Variants in NUP210L observed in about 807,000 individuals in gnomAD.
NUP210L encodes the protein nuclear pore membrane glycoprotein 210-like.
NUP210L carries 74 observed loss-of-function variants against 208.5 expected under a neutral mutation model. The ratio of observed to expected loss-of-function variants is 0.35; its 90% confidence interval spans 0.29 to 0.43. The LOEUF is 0.43. Among genes scored for constraint, NUP210L ranks in the 20% least tolerant of loss-of-function variants. NUP210L has a pLI of 1.00. For missense variants in NUP210L, 1,843 were observed against 2,289.4 expected (o/e 0.81, Z 3.98); for synonymous variants, 780 against 816.9 (o/e 0.95, Z 0.77).
intron 15 of NUP210L, among the ~76,000 whole-genome samples, chr1:154,091,098 A>AT (rs1424373965): frequency 5.4e-5 from 8 of 147,336 alleles, no homozygotes; most frequent in Non-Finnish European, 9.0e-5. Flanking sequence ...TATTATTATT[A>AT]TTATTATTAT....
At position 154,139,788 on chromosome 1, in the gene NUP210L, C is replaced by G. The variant is rs1046386580; in HGVS notation, c.717+14G>C. ...AAACAAGTAAGGAAAATTTATAGCA[C>G]ACAAACTTTTTACCTTATAGAATGG... On this transcript the variant is annotated intron_variant, in intron 5 of 39. Coordinates refer to ENST00000368559, the Ensembl canonical transcript of NUP210L. 1.9e-6 allele frequency: 3 copies of G among 1,606,386 alleles called. No individual in the cohort carries two copies. The highest frequency in any genetic ancestry group is 2.6e-6 in the Non-Finnish European group (3 of 1,176,252).
intron 32 of NUP210L, among the ~76,000 whole-genome samples, chr1:154,019,406 CA>C (rs1275702174): frequency 6.6e-6 from 1 of 152,144 alleles, no homozygotes; most frequent in African/African-American, 2.4e-5. Flanking sequence ...TGATTGATGA[CA>C]GCAAGAAGAC....
chr1:154,061,050 GA>G lies in NUP210L; in HGVS notation c.2644-5del, dbSNP rs774631481. On this transcript the variant is annotated splice_polypyrimidine_tract_variant and splice_region_variant and intron_variant, in intron 18 of 39. Transcript: ENST00000368559. ...ATCTGGGCAAGTTGGAAATTTCCTA[GA>G]AATATAATAAGAACCACAAAAGTGA... The G allele has an allele frequency of 1.3e-6, 2 of 1,591,960 alleles. No individual in the cohort carries two copies. Among genetic ancestry groups the G allele is most frequent in the Non-Finnish European group, 8.6e-7 (1 of 1,160,442 alleles).
intron 21 of NUP210L, 74 bp from the exon 22 acceptor site, chr1:154,058,290 G>T: frequency 6.7e-7 from 1 of 1,500,250 alleles, no homozygotes; most frequent in Non-Finnish European, 9.1e-7. Flanking sequence ...TTAGAGGGCA[G>T]TGTACTTTTT....
chr1:154,064,320 C>T (rs982169474), intron 17 of NUP210L, among the ~76,000 whole-genome samples: 2 of 151,990 alleles, frequency 1.3e-5, no homozygotes, highest in Admixed American at 6.6e-5. Flanking sequence ...GGGACATCAG[C>T]GAATGGGACA....
intron 30 of NUP210L, among the ~76,000 whole-genome samples, chr1:154,025,004 T>C (rs1267265743): frequency 7.1e-6 from 1 of 140,350 alleles, no homozygotes; most frequent in African/African-American, 2.6e-5. Flanking sequence ...CTTGGCTCAC[T>C]GCAGGCTCCG....
At chr1:154,059,993 T>A (rs1057472963) in intron 20 of NUP210L, among the ~76,000 whole-genome samples, 4 of 152,298 alleles carry the variant, frequency 2.6e-5, no homozygotes, top group African/African-American at 9.6e-5. Flanking sequence ...GGTTCACACC[T>A]GCAATCCTAG....
At chr1:153,999,991 A>ATTTTT (rs995669130) in intron 37 of NUP210L, among the ~76,000 whole-genome samples, 3 of 147,684 alleles carry the variant, frequency 2.0e-5, no homozygotes, top group Admixed American at 6.8e-5. Flanking sequence ...TGCCCAGGTA[A>ATTTTT]TTTTTTTTTT....
At chr1:154,095,100 T>C in exon 15 of NUP210L, 1 of 1,614,092 alleles carries the variant, frequency 6.2e-7, no homozygotes, top group Non-Finnish European at 8.5e-7. Flanking sequence ...CCCCTTCAAA[T>C]ACCATTTCCT....
chr1:154,033,605 T>C (rs1652372851), intron 27 of NUP210L, among the ~76,000 whole-genome samples: 1 of 152,190 alleles, frequency 6.6e-6, no homozygotes, highest in Admixed American at 6.6e-5. Flanking sequence ...CATTGGTCTA[T>C]ATGTTTGTTT....
chr1:154,058,537 T>C, intron 21 of NUP210L, 28 bp downstream of exon 21: 23 of 1,606,606 alleles, frequency 1.4e-5, no homozygotes, highest in Non-Finnish European at 2.0e-5. Flanking sequence ...TCTTGCTTAA[T>C]TTCTGAGATA....
At chr1:154,005,728 C>CTT (rs34116245) in intron 35 of NUP210L, among the ~76,000 whole-genome samples, 2 of 125,984 alleles carry the variant, frequency 1.6e-5, no homozygotes, top group South Asian at 2.6e-4. Flanking sequence ...ATTTTTTTTT[C>CTT]TTTTTTTTTT....
At chr1:154,061,159 C>T in intron 18 of NUP210L, 113 bp from the exon 19 acceptor site, 1 of 669,592 alleles carries the variant, frequency 1.5e-6, no homozygotes, top group Non-Finnish European at 2.6e-6. Flanking sequence ...AGGCAGATCA[C>T]CTGAGGCCAG....
intron 27 of NUP210L, among the ~76,000 whole-genome samples, chr1:154,030,672 T>C (rs1652165655): frequency 6.6e-6 from 1 of 152,158 alleles, no homozygotes; most frequent in Non-Finnish European, 1.5e-5. Flanking sequence ...ATAGAACCTG[T>C]AATAATCACA....
At chr1:154,040,869 G>A (rs1422610339) in intron 27 of NUP210L, among the ~76,000 whole-genome samples, 1 of 152,176 alleles carries the variant, frequency 6.6e-6, no homozygotes, top group African/African-American at 2.4e-5. Flanking sequence ...GGGATTACAG[G>A]CGTGAGCCAC....
Position 154,072,585 on chromosome 1 carries a change from A to G in NUP210L, c.2362-2120T>C, listed in dbSNP as rs560314401. ...CTGACCTCATGATCCGCCCGCCTTGACCTCCCAAAGTGTTGGGATTACAGG... is the reference window on the plus strand; with the variant it reads ...CTGACCTCATGATCCGCCCGCCTTGGCCTCCCAAAGTGTTGGGATTACAGG... On this transcript the variant is annotated intron_variant, in intron 16 of 39. Transcript: ENST00000368559. Among the ~76,000 whole-genome samples the G allele has an allele frequency of 2.2e-4, 33 of 151,284 alleles. 2 individuals are homozygous for G. Among genetic ancestry groups the G allele is most frequent in the South Asian group, 1.9e-3 (9 of 4,780 alleles).
intron 12 of NUP210L, among the ~76,000 whole-genome samples, chr1:154,104,783 G>A (rs1656663199): frequency 6.6e-6 from 1 of 152,096 alleles, no homozygotes; most frequent in Admixed American, 6.6e-5. Flanking sequence ...AAACTTGAAA[G>A]GCTGTGTAGG....
chr1:154,139,911 T>C, exon 5 of NUP210L: 1 of 1,611,108 alleles, frequency 6.2e-7, no homozygotes, highest in Non-Finnish European at 8.5e-7. Context: ...CTCAGCTATA[T>C]ATATTGGGGG....
At chr1:154,061,768 A>G in intron 17 of NUP210L, 94 bp from the exon 18 acceptor site, 1 of 796,494 alleles carries the variant, frequency 1.3e-6, no homozygotes, top group Non-Finnish European at 2.1e-6. Context: ...AGTTTTTCCA[A>G]ATGGTGCTTT....
Sources: allele counts gnomAD v4.1 joint callset (sites outside exome capture counted in the v4.1 genomes callset), GRCh38; gene constraint gnomAD v4.1.1; transcripts MANE v1.5; gene names NCBI Gene and HGNC (gene_info 2026-07-23, HGNC 2026-07-21).